RAD51B: variants seen among roughly 807,000 people sequenced by gnomAD.
RAD51B encodes DNA repair protein RAD51 homolog 2.
In RAD51B, 38 loss-of-function variants were observed where a neutral mutation model predicts 42.2. That is an observed-to-expected ratio of 0.90 (90% CI 0.70 to 1.18). The LOEUF is 1.18. Ranked by LOEUF, RAD51B falls within the 50% of genes most tolerant of loss-of-function variation. RAD51B has a pLI of 0.00. For synonymous variants in RAD51B, 154 were observed against 145.2 expected, an observed-to-expected ratio of 1.06 and a Z score of -0.43; for missense variants, 373 against 400.7, an observed-to-expected ratio of 0.93 and a Z score of 0.59.
At chr14:68,242,280 T>C (rs2080404803) in intron 7 of RAD51B, among the ~76,000 whole-genome samples, 1 of 152,236 alleles carries the variant, frequency 6.6e-6, no homozygotes, top group African/African-American at 2.4e-5. Flanking sequence ...TCCGTAGCTG[T>C]CCTACCCAGG....
chr14:68,436,732 A>G (rs567454929), intron 9 of RAD51B, among the ~76,000 whole-genome samples: 4 of 151,998 alleles, frequency 2.6e-5, no homozygotes, highest in Non-Finnish European at 5.9e-5. Context: ...GAGATATTTC[A>G]CTTCCCTAGT....
In RAD51B at chr14:68,620,000, A is replaced by G. The variant is rs556631750; in HGVS notation, c.1037-30781A>G. Reference sequence around the variant, plus strand: ...CTTTCCCCTACCCATGTTGTGACTCAGTACCAAAGCCTCCAGGGCCACTAC... The same window carrying G: ...CTTTCCCCTACCCATGTTGTGACTCGGTACCAAAGCCTCCAGGGCCACTAC... On this transcript the variant is annotated intron_variant, in intron 10 of 11. Coordinates refer to the RAD51B transcript ENST00000488612. Among the ~76,000 whole-genome samples the G allele has an allele frequency of 2.8e-4, 43 of 152,230 alleles. No individual in the cohort carries two copies. In the South Asian group the frequency reaches 8.9e-3, roughly 32 times the overall value.
intron 10 of RAD51B, among the ~76,000 whole-genome samples, chr14:68,502,754 C>T (rs535349368): frequency 1.3e-5 from 2 of 152,334 alleles, no homozygotes; most frequent in South Asian, 4.1e-4. Flanking sequence ...GTGTTGGCCT[C>T]TGCGGTGCCT....
At chr14:67,986,118 C>CT (rs1476868895) in intron 7 of RAD51B, among the ~76,000 whole-genome samples, 2 of 152,166 alleles carry the variant, frequency 1.3e-5, no homozygotes, top group African/African-American at 2.4e-5. Context: ...GTTGAGTCCT[C>CT]TTTTCCAAAA....
rs1451507010 is a variant in RAD51B, at chr14:68,506,702, G to A, written c.1036+38452G>A. 2.0e-5 allele frequency among the ~76,000 whole-genome samples: 3 copies of A among 152,198 alleles called. No individual in the cohort carries two copies. The East Asian group carries it at 5.8e-4, about 29-fold the overall frequency. On this transcript the variant is annotated intron_variant, in intron 10 of 10. Transcript: ENST00000487270. ...GCTCTCATTTATACATTGAAAGGCG[G>A]GTGGGGGGGACAAAGGAGAAGGTTT... is the stretch of plus-strand genomic sequence containing the variant.
intron 8 of RAD51B, among the ~76,000 whole-genome samples, chr14:68,387,538 G>A (rs1793751888): frequency 6.6e-6 from 1 of 152,198 alleles, no homozygotes; most frequent in African/African-American, 2.4e-5. Flanking sequence ...ATAGCAGGAT[G>A]AACTCACAGG....
At chr14:68,423,189 A>G (rs908324646) in intron 9 of RAD51B, among the ~76,000 whole-genome samples, 2 of 152,162 alleles carry the variant, frequency 1.3e-5, no homozygotes, top group African/African-American at 4.8e-5. Flanking sequence ...GTGAACTGGG[A>G]TTATGATCTG....
chr14:67,985,287 C>A (rs940431425), intron 7 of RAD51B, among the ~76,000 whole-genome samples: 1 of 152,126 alleles, frequency 6.6e-6, no homozygotes, highest in East Asian at 1.9e-4. Context: ...GCAGAGGTTG[C>A]AACCCTTTAA....
chr14:68,366,364 A>G (rs1434781205), intron 8 of RAD51B, among the ~76,000 whole-genome samples: 2 of 152,206 alleles, frequency 1.3e-5, no homozygotes, highest in East Asian at 3.8e-4. Context: ...CTAAAGCAAG[A>G]CTGAATCTAT....
chr14:67,999,150 C>T (rs1256078821), intron 7 of RAD51B, among the ~76,000 whole-genome samples: 1 of 152,024 alleles, frequency 6.6e-6, no homozygotes, highest in Non-Finnish European at 1.5e-5. Context: ...AGTCTTAACA[C>T]TAACTTTTGT....
At chr14:68,222,684 T>A (rs1013007628) in intron 7 of RAD51B, among the ~76,000 whole-genome samples, 1 of 151,982 alleles carries the variant, frequency 6.6e-6, no homozygotes, top group Non-Finnish European at 1.5e-5. Flanking sequence ...ATAAAAAAAA[T>A]AAATTAATAA....
chr14:68,502,447 C>G (rs1181814421), intron 10 of RAD51B, among the ~76,000 whole-genome samples: 1 of 152,196 alleles, frequency 6.6e-6, no homozygotes, highest in Non-Finnish European at 1.5e-5. Context: ...TTTGCAGGGC[C>G]CTGTGGGAAA....
chr14:68,620,024 A>C (rs1445539181), intron 10 of RAD51B, among the ~76,000 whole-genome samples: 7 of 151,476 alleles, frequency 4.6e-5, no homozygotes, highest in African/African-American at 1.5e-4. Context: ...CAGGGCCACT[A>C]CCCCGGGGTT....
chr14:68,415,327 T>C (rs2084529463), intron 9 of RAD51B, among the ~76,000 whole-genome samples: 1 of 152,076 alleles, frequency 6.6e-6, no homozygotes, highest in South Asian at 2.1e-4. Flanking sequence ...AACAGGAGGA[T>C]AGGCTGCATC....
chr14:68,368,801 GA>G (rs1465855811), intron 8 of RAD51B, among the ~76,000 whole-genome samples: 7 of 152,198 alleles, frequency 4.6e-5, no homozygotes, highest in Non-Finnish European at 5.9e-5. Flanking sequence ...CATGTAGAAT[GA>G]AATAGAGCAG....
intron 11 of RAD51B, among the ~76,000 whole-genome samples, chr14:68,668,790 C>A (rs929081154): frequency 6.6e-6 from 1 of 152,226 alleles, no homozygotes; most frequent in South Asian, 2.1e-4. Flanking sequence ...ACCTCAGACA[C>A]CTGCTGTGCT....
At chr14:68,168,673 A>C (rs1434953279) in intron 7 of RAD51B, among the ~76,000 whole-genome samples, 1 of 152,188 alleles carries the variant, frequency 6.6e-6, no homozygotes, top group African/African-American at 2.4e-5. Context: ...AAAGAGGTCT[A>C]TAAATCTTAA....
chr14:68,648,112 C>CGT (rs1555434148), intron 10 of RAD51B, among the ~76,000 whole-genome samples: 2 of 39,510 alleles, frequency 5.1e-5, no homozygotes, highest in African/African-American at 1.2e-4. Flanking sequence ...TATACACACA[C>CGT]GTATATATAT....
At chr14:68,379,435 G>T (rs533582036) in intron 8 of RAD51B, among the ~76,000 whole-genome samples, 27 of 152,280 alleles carry the variant, frequency 1.8e-4, no homozygotes, top group Middle Eastern at 6.8e-3. Flanking sequence ...ACAAGTAGAG[G>T]AAATCCCCTT....
Sources: allele counts gnomAD v4.1 joint callset (sites outside exome capture counted in the v4.1 genomes callset), GRCh38; gene constraint gnomAD v4.1.1; transcripts MANE v1.5; gene names NCBI Gene and HGNC (gene_info 2026-07-23, HGNC 2026-07-21).